Variants in RAPGEF6 observed in about 807,000 individuals in gnomAD.
RAPGEF6 encodes PDZ domain containing guanine nucleotide exchange factor (GEF) 2.
A neutral mutation model predicts 171.4 loss-of-function variants in RAPGEF6; 56 were observed. That is an observed-to-expected ratio of 0.33 (90% CI 0.26 to 0.41). RAPGEF6 has a LOEUF of 0.41. RAPGEF6 is among the 10% of genes least tolerant of loss of function. The pLI is 1.00. For missense variants in RAPGEF6, 1,674 were observed against 1,921.4 expected (o/e 0.87, Z 2.41); for synonymous variants, 692 against 650.1 (o/e 1.06, Z -0.98).
intron 15 of RAPGEF6, among the ~76,000 whole-genome samples, chr5:131,483,811 T>C (rs1755670493): frequency 6.6e-6 from 1 of 151,956 alleles, no homozygotes; most frequent in Non-Finnish European, 1.5e-5. Flanking sequence ...AAGTCAAGAC[T>C]TTACAGAGGC....
At chr5:131,458,767 C>T (rs1340881617) in intron 19 of RAPGEF6, among the ~76,000 whole-genome samples, 1 of 152,242 alleles carries the variant, frequency 6.6e-6, no homozygotes, top group Non-Finnish European at 1.5e-5. Context: ...GATTCTCCTG[C>T]CTCAGCCTCC....
intron 1 of RAPGEF6, among the ~76,000 whole-genome samples, chr5:131,627,282 G>T (rs887113457): frequency 2.6e-5 from 4 of 152,142 alleles, no homozygotes; most frequent in African/African-American, 9.7e-5. Flanking sequence ...AAATTTAGGG[G>T]ATAAGTTGGA....
At chr5:131,566,999 C>A (rs1360850507) in intron 4 of RAPGEF6, among the ~76,000 whole-genome samples, 1 of 150,118 alleles carries the variant, frequency 6.7e-6, no homozygotes, top group African/African-American at 2.5e-5. Context: ...GAGGCTGAGG[C>A]AGGAGAATCA....
At chr5:131,566,782 T>G (rs1761971122) in intron 4 of RAPGEF6, among the ~76,000 whole-genome samples, 1 of 151,978 alleles carries the variant, frequency 6.6e-6, no homozygotes, top group South Asian at 2.1e-4. Flanking sequence ...TTTGCAAGAT[T>G]TGCCCAATTT....
intron 5 of RAPGEF6, among the ~76,000 whole-genome samples, chr5:131,551,511 CAAAAA>C (rs11305566): frequency 9.2e-6 from 1 of 108,916 alleles, no homozygotes. Flanking sequence ...GACTCCATCT[CAAAAA>C]AAAAAAAAAA....
chr5:131,550,720 T>C (rs543105504), intron 5 of RAPGEF6, among the ~76,000 whole-genome samples: 75 of 152,344 alleles, frequency 4.9e-4, no homozygotes, highest in African/African-American at 1.7e-3. Context: ...CAGACCTCGA[T>C]TGGCTTATTG....
Position 131,576,501 on chromosome 5 carries a change from C to G in RAPGEF6, c.282-14454G>C, listed in dbSNP as rs544882744. On this transcript the variant is annotated intron_variant, in intron 4 of 27. Transcript: ENST00000509018. ...CAAGGGTCCTCCATCATCAACGCTT[C>G]CTTAATAAGAATCCTCCTTAAGGCT... Among the ~76,000 whole-genome samples, 5 of 152,268 alleles carry G rather than the reference C, an allele frequency of 3.3e-5. No individual in the cohort carries two copies. The East Asian group carries it at 9.7e-4, about 29-fold the overall frequency.
rs1381356088 is a variant in RAPGEF6, at chr5:131,427,116, GTCTATT to G, written c.*144_*149del. ...TTAAATGAAAGGAAGCATAACTCAG[GTCTATT>G]TCATTGCTCGGAGTAGAGGGAATAA... On this transcript the variant is annotated 3_prime_UTR_variant, in exon 28 of 28. Coordinates refer to ENST00000509018, the MANE Select transcript of RAPGEF6 (RefSeq NM_016340.6). 1.3e-6 allele frequency: 1 copy of G among 748,524 alleles called. No individual in the cohort carries two copies. Among genetic ancestry groups the G allele is most frequent in the Admixed American group, 2.3e-5 (1 of 42,716 alleles). 46.4% of individuals were successfully genotyped at this position (748,524 alleles called of 1,614,324 possible).
At chr5:131,544,778 G>A (rs1760400887) in intron 6 of RAPGEF6, among the ~76,000 whole-genome samples, 1 of 152,162 alleles carries the variant, frequency 6.6e-6, no homozygotes, top group Admixed American at 6.5e-5. Context: ...CACCTTCCGG[G>A]TTCAAGTGAT....
chr5:131,467,790 AG>A (rs1420531087), intron 17 of RAPGEF6, among the ~76,000 whole-genome samples: 4 of 152,166 alleles, frequency 2.6e-5, no homozygotes, highest in Non-Finnish European at 5.9e-5. Context: ...CTAGCACTTT[AG>A]GGGGCTGAGG....
intron 16 of RAPGEF6, among the ~76,000 whole-genome samples, chr5:131,474,672 T>C (rs757851405): frequency 6.6e-6 from 1 of 152,178 alleles, no homozygotes; most frequent in Admixed American, 6.5e-5. Context: ...CTCCTTATAA[T>C]TTGGTTTGTA....
Position 131,455,956 on chromosome 5 carries a change from C to T in RAPGEF6, c.2921G>A (p.Ser974Asn). The change falls in exon 20 of 28, where the codon AGC (serine) becomes AAC (asparagine). Residue 974 changes from serine (S) to asparagine (N), a missense_variant. Physicochemically the swap from Ser to Asn is conservative, Grantham distance 46. This residue lies in a region of RAPGEF6 where 1,116 missense variants were observed against 1,321.5 expected (regional missense o/e 0.84). Transcript: ENST00000509018. The stretch of plus-strand genomic sequence containing the variant: ...ATCTTGAAGATGTTTCTCGTATTTG[C>T]TTGGTAACTTTTCCCAAGTTCCTCT... ...RLRGTWEKLP[S>N]KYEKHLQDLQ... 1 of 1,613,836 alleles carries T rather than the reference C, an allele frequency of 6.2e-7. No homozygotes were observed. The highest frequency in any genetic ancestry group is 8.5e-7 in the Non-Finnish European group (1 of 1,179,914).
intron 13 of RAPGEF6, among the ~76,000 whole-genome samples, chr5:131,495,018 C>T (rs13359172): frequency 0.011 from 1,726 of 152,180 alleles, 20 homozygotes; most frequent in Middle Eastern, 0.071. Context: ...TTGGGCCAGG[C>T]GCCGTGGCTC....
intron 11 of RAPGEF6, among the ~76,000 whole-genome samples, chr5:131,499,639 G>A (rs1409162121): frequency 6.9e-6 from 1 of 144,486 alleles, no homozygotes; most frequent in Non-Finnish European, 1.5e-5. Flanking sequence ...GCTCTTCTTT[G>A]AGCTTCTGAA....
intron 7 of RAPGEF6, among the ~76,000 whole-genome samples, chr5:131,515,129 A>G (rs1000878317): frequency 2.6e-5 from 4 of 152,160 alleles, no homozygotes; most frequent in Non-Finnish European, 5.9e-5. Flanking sequence ...GAAGAGAACT[A>G]TAGGTTGGAA....
chr5:131,506,848 TTC>T (rs1207839826), intron 9 of RAPGEF6, among the ~76,000 whole-genome samples: 1 of 151,984 alleles, frequency 6.6e-6, no homozygotes, highest in African/African-American at 2.4e-5. Context: ...TAAAGCTTAT[TTC>T]TCTCTTATGT....
At chr5:131,588,761 C>A (rs907704735) in intron 4 of RAPGEF6, among the ~76,000 whole-genome samples, 4 of 151,460 alleles carry the variant, frequency 2.6e-5, no homozygotes, top group African/African-American at 7.3e-5. Flanking sequence ...ACAACAACAA[C>A]AACAAAAACA....
chr5:131,523,886 G>A (rs1032718060), intron 6 of RAPGEF6, among the ~76,000 whole-genome samples: 1 of 152,086 alleles, frequency 6.6e-6, no homozygotes, highest in African/African-American at 2.4e-5. Context: ...GTGAGGTGGA[G>A]TATCAAGAGA....
intron 6 of RAPGEF6, among the ~76,000 whole-genome samples, chr5:131,525,596 A>G (rs1758820674): frequency 6.6e-6 from 1 of 152,150 alleles, no homozygotes; most frequent in South Asian, 2.1e-4. Flanking sequence ...TACAATACAG[A>G]ATATTGATGA....
Sources: gnomAD v4.1 joint callset for allele counts (sites outside exome capture counted in the v4.1 genomes callset) on GRCh38, gnomAD v4.1.1 for gene constraint, gnomAD v4.1.1 regional missense constraint, MANE v1.5 for transcripts, NCBI Gene and HGNC (gene_info 2026-07-23, HGNC 2026-07-21) for gene names.